Variants in PUDP observed in about 807,000 individuals in gnomAD.
The protein encoded by PUDP is pseudouridine 5'-phosphatase.
In PUDP, 8 loss-of-function variants were observed where a neutral mutation model predicts 9.4. The ratio of observed to expected loss-of-function variants is 0.85; its 90% CI spans 0.50 to 1.53. PUDP has a LOEUF of 1.53. PUDP is among the 40% of genes most tolerant of loss of function. The probability of loss-of-function intolerance (pLI) is 0.00; values close to 1 mark genes in which losing one functional copy is unlikely to be tolerated. For missense variants in PUDP, 188 were observed against 189.7 expected (o/e 0.99, Z 0.05); for synonymous variants, 99 against 80.7 (o/e 1.23, Z -1.22).
intron 1 of PUDP, among the ~76,000 whole-genome samples, chrX:7,014,960 T>C (rs1297032603): frequency 9.0e-6 from 1 of 111,717 alleles, no homozygotes; most frequent in Non-Finnish European, 1.9e-5. Flanking sequence ...AAATCTGCCT[T>C]TGGATAACTT....
intron 3 of PUDP, among the ~76,000 whole-genome samples, chrX:6,783,891 C>A (rs914912654): frequency 9.0e-6 from 1 of 111,559 alleles, no homozygotes; most frequent in East Asian, 2.8e-4. Context: ...GAGAATGAAG[C>A]GTGCCAGTGT....
At chrX:7,037,640 T>C (rs1203594593) in intron 1 of PUDP, among the ~76,000 whole-genome samples, 1 of 112,462 alleles carries the variant, frequency 8.9e-6, no homozygotes, top group African/African-American at 3.2e-5. Flanking sequence ...TCCAGGGTTA[T>C]AGGGGATCTG....
chrX:6,740,418 G>T lies in PUDP; in HGVS notation c.*248-33952C>A, dbSNP rs1924921518. On this transcript the variant is annotated intron_variant and NMD_transcript_variant, in intron 3 of 3. Coordinates refer to the PUDP transcript ENST00000655425. ...AAAGATTATATTTTTAACAATTAAG[G>T]ATACCTATTTTATAGAGTTGTTTCT... 3.6e-5 allele frequency among the ~76,000 whole-genome samples: 4 copies of T among 111,219 alleles called. No individual in the cohort carries two copies. The Admixed American group carries it at 3.8e-4, about 11-fold the overall frequency.
In PUDP at chrX:7,110,605, T is replaced by C. The variant is rs1378712625; in HGVS notation, c.62-4767A>G. The stretch of plus-strand genomic sequence containing the variant: ...CCTGTGAAGAGACCACCAAACAGGC[T>C]TTGTGTGAGCAATAAAGCTTTTTAA... On this transcript the variant is annotated intron_variant, in intron 1 of 3. Coordinates refer to ENST00000381077, the MANE Select transcript of PUDP (RefSeq NM_012080.5). Among the ~76,000 whole-genome samples the C allele has an allele frequency of 2.7e-5, 3 of 112,042 alleles. No individual in the cohort carries two copies. In the Admixed American group the frequency reaches 2.8e-4, roughly 11 times the overall value.
rs190092853 is a variant in PUDP, at chrX:6,750,910, C to A, written c.*248-44444G>T. 1.2e-3 allele frequency among the ~76,000 whole-genome samples: 138 copies of A among 111,112 alleles called. 3 individuals carry two copies. The South Asian group carries it at 0.051, about 41-fold the overall frequency. On this transcript the variant is annotated intron_variant and NMD_transcript_variant, in intron 3 of 3. Coordinates refer to the PUDP transcript ENST00000655425. ...ATCCCAGCACTTTGGGAGGCCGAGG[C>A]GGGCAGATCACAAGGTCAGGAGATG...
chrX:6,944,878 A>T (rs1008960693), intron 3 of PUDP, among the ~76,000 whole-genome samples: 48 of 111,317 alleles, frequency 4.3e-4, no homozygotes, highest in Non-Finnish European at 6.2e-4. Flanking sequence ...CTTTCTGCTG[A>T]TCCCAAATTT....
chrX:6,837,429 A>G (rs1236035230), intron 3 of PUDP, among the ~76,000 whole-genome samples: 1 of 113,040 alleles, frequency 8.8e-6, no homozygotes, highest in Non-Finnish European at 1.9e-5. Context: ...TCCTGATGTC[A>G]GGTGACTTTT....
downstream of PUDP, among the ~76,000 whole-genome samples, chrX:7,044,568 A>G (rs897382009): frequency 1.8e-4 from 20 of 112,418 alleles, no homozygotes; most frequent in East Asian, 8.4e-4. Context: ...TCACCACTTC[A>G]TAAGTGGATA....
chrX:6,805,236 C>T (rs1026337402), intron 3 of PUDP, among the ~76,000 whole-genome samples: 13 of 111,107 alleles, frequency 1.2e-4, no homozygotes, highest in African/African-American at 4.3e-4. Flanking sequence ...TGCCACTGCA[C>T]TCCAGCCTGA....
intron 3 of PUDP, among the ~76,000 whole-genome samples, chrX:6,954,358 C>A (rs938860989): frequency 9.0e-6 from 1 of 111,019 alleles, no homozygotes; most frequent in African/African-American, 3.3e-5. Flanking sequence ...CTTTCCAGTC[C>A]TGATTGACAG....
chrX:6,797,886 T>G (rs759116963), intron 3 of PUDP, among the ~76,000 whole-genome samples: 11 of 112,338 alleles, frequency 9.8e-5, no homozygotes, highest in Non-Finnish European at 2.1e-4. Flanking sequence ...AAGATGAAAT[T>G]ATGATGATGA....
chrX:6,746,133 T>C, intron 3 of PUDP, among the ~76,000 whole-genome samples: 1 of 112,251 alleles, frequency 8.9e-6, no homozygotes, highest in Non-Finnish European at 1.9e-5. Flanking sequence ...GAAGAACACA[T>C]AGCACCTCCC....
intron 3 of PUDP, among the ~76,000 whole-genome samples, chrX:6,872,310 G>A (rs1022753121): frequency 9.0e-6 from 1 of 111,184 alleles, no homozygotes; most frequent in African/African-American, 3.3e-5. Flanking sequence ...TGCATACCTT[G>A]GTATCCAAAT....
chrX:6,973,122 C>T (rs768147830), intron 3 of PUDP, among the ~76,000 whole-genome samples: 1 of 111,693 alleles, frequency 9.0e-6, no homozygotes, highest in African/African-American at 3.3e-5. Context: ...GTCTGGCTAG[C>T]AGTCTATCTA....
intron 3 of PUDP, among the ~76,000 whole-genome samples, chrX:6,928,266 G>A (rs189140728): frequency 8.5e-4 from 95 of 111,192 alleles, no homozygotes; most frequent in African/African-American, 3.0e-3. Flanking sequence ...TAGACAATGA[G>A]ATAATTTGGA....
chrX:6,852,942 T>C (rs1193037559), intron 3 of PUDP, among the ~76,000 whole-genome samples: 2 of 111,544 alleles, frequency 1.8e-5, no homozygotes, highest in African/African-American at 3.3e-5. Context: ...CTTTTACAGT[T>C]GAATGCAACG....
chrX:7,008,364 T>C (rs979374820), intron 1 of PUDP, among the ~76,000 whole-genome samples: 9 of 111,103 alleles, frequency 8.1e-5, no homozygotes, highest in African/African-American at 3.0e-4. Context: ...GCCTTAGTGT[T>C]GGCACAACTT....
At chrX:7,147,201 C>T (rs188484967) in intron 1 of PUDP, among the ~76,000 whole-genome samples, 23 of 110,631 alleles carry the variant, frequency 2.1e-4, no homozygotes, top group African/African-American at 6.2e-4. Context: ...CAAACGTTCA[C>T]GCGCTTAAAA....
At chrX:7,051,211 T>C (rs762190222) in intron 3 of PUDP, among the ~76,000 whole-genome samples, 1 of 111,439 alleles carries the variant, frequency 9.0e-6, no homozygotes, top group Admixed American at 9.5e-5. Context: ...GGAATACTAC[T>C]CAGACATAAA....
Sources: gnomAD v4.1 joint callset for allele counts (sites outside exome capture counted in the v4.1 genomes callset) on GRCh38, gnomAD v4.1.1 for gene constraint, MANE v1.5 for transcripts, NCBI Gene and HGNC (gene_info 2026-07-23, HGNC 2026-07-21) for gene names.